TNNI1: variants seen among roughly 807,000 people sequenced by gnomAD.
TNNI1 encodes the protein troponin I1, slow skeletal type.
Under a neutral mutation model 26.7 loss-of-function variants are expected in TNNI1, and 14 were observed. The observed-to-expected ratio is 0.52, with a 90% CI of 0.35 to 0.82. The LOEUF is 0.82. Ranked by LOEUF, TNNI1 falls within the 40% of genes least tolerant of loss-of-function variation. The pLI, the probability that TNNI1 is intolerant of heterozygous loss-of-function variation, is 0.01. For synonymous variants in TNNI1, 79 were observed against 98.2 expected, an observed-to-expected ratio of 0.80 and a Z score of 1.16; for missense variants, 164 against 257.0, an observed-to-expected ratio of 0.64 and a Z score of 2.47.
At chr1:201,417,662 G>A (rs1422237414) in intron 2 of TNNI1, 121 bp downstream of exon 2, 1 of 801,052 alleles carries the variant, frequency 1.2e-6, no homozygotes, top group Non-Finnish European at 1.7e-6. Context: ...CCTGTTTGAG[G>A]ACCTGGTCTC....
chr1:201,417,615 G>A (rs1226288788), intron 2 of TNNI1, 168 bp downstream of exon 2: 2 of 517,914 alleles, frequency 3.9e-6, no homozygotes, highest in Middle Eastern at 5.3e-4. Context: ...TGGCTGGGAG[G>A]ACACAGGCAG....
At chr1:201,412,882 T>C (rs540692921) in intron 6 of TNNI1, 150 bp downstream of exon 6, 1 of 729,810 alleles carries the variant, frequency 1.4e-6, no homozygotes, top group Non-Finnish European at 2.4e-6. Context: ...TCCAGCCCTA[T>C]GGGGCTAGGG....
In TNNI1 at chr1:201,412,922, G is replaced by T. The variant is rs1376561243; in HGVS notation, c.279+110C>A. The T allele has an allele frequency of 1.5e-5, 16 of 1,070,744 alleles. No homozygotes were observed. In the Admixed American group the frequency reaches 2.5e-4, roughly 16 times the overall value. The allele number at this position is 1,070,744 out of a possible 1,614,324, so 66.3% of individuals were successfully genotyped here. On this transcript the variant is annotated intron_variant, in intron 6 of 8. Coordinates refer to ENST00000361379, the MANE Select transcript of TNNI1 (RefSeq NM_003281.4). ...CAAACCAAAGTTTCCTGCTTAAGTG[G>T]CCCCTTCCTAGGCCCTGTGGAAGGA... is the stretch of plus-strand genomic sequence containing the variant.
intron 3 of TNNI1, 102 bp from the exon 4 acceptor site, chr1:201,415,356 A>G (rs893904752): frequency 4.0e-6 from 5 of 1,234,938 alleles, no homozygotes; most frequent in Non-Finnish European, 4.7e-6. Flanking sequence ...CTCTATCTTT[A>G]TCCGGAATCC....
intron 1 of TNNI1, 101 bp from the exon 2 acceptor site, chr1:201,417,913 A>G (rs1662780868): frequency 1.1e-6 from 1 of 879,838 alleles, no homozygotes; most frequent in African/African-American, 1.7e-5. Flanking sequence ...GTCAGAACAC[A>G]AAAGGAAGAA....
At chr1:201,417,316 A>C (rs80301882) in intron 2 of TNNI1, among the ~76,000 whole-genome samples, 197 bp from the exon 3 acceptor site, 2,278 of 152,216 alleles carry the variant, frequency 0.015, 54 homozygotes, top group African/African-American at 0.052. Flanking sequence ...ATAAAATAAA[A>C]ATTCAACAGC....
intron 5 of TNNI1, among the ~76,000 whole-genome samples, chr1:201,414,296 C>T (rs768663377): frequency 1.3e-5 from 2 of 152,238 alleles, no homozygotes; most frequent in African/African-American, 2.4e-5. Flanking sequence ...AGGCAAGTCA[C>T]GCCTCCCCTC....
rs1412179104 is a variant in TNNI1 at position 201,403,888 on chromosome 1, G to A, written c.*5365C>T. 1 of 152,198 alleles carries A rather than the reference G, an allele frequency of 6.6e-6. No individual in the cohort carries two copies. The highest frequency in any genetic ancestry group is 1.5e-5 in the Non-Finnish European group (1 of 68,032). 9.4% of individuals were successfully genotyped at this position (152,198 alleles called of 1,614,324 possible). ...AATTGAGGATTGTATTTACCTTTGT[G>A]GAGAGGAAGGGGTTGTGATTGGGGA... On this transcript the variant is annotated 3_prime_UTR_variant, in exon 9 of 9. Transcript: ENST00000361379.
chr1:201,419,438 C>T (rs1662818287), intron 1 of TNNI1, among the ~76,000 whole-genome samples: 1 of 152,120 alleles, frequency 6.6e-6, no homozygotes, highest in African/African-American at 2.4e-5. Context: ...TGCAGGGGCG[C>T]ACAGGAGCCC....
intron 1 of TNNI1, among the ~76,000 whole-genome samples, chr1:201,418,174 T>C (rs1662789085): frequency 6.6e-6 from 1 of 151,680 alleles, no homozygotes; most frequent in Non-Finnish European, 1.5e-5. Context: ...GGAAATATGT[T>C]TGGAAAGTGA....
At chr1:201,418,954 C>T (rs1662803912) in intron 1 of TNNI1, among the ~76,000 whole-genome samples, 1 of 152,054 alleles carries the variant, frequency 6.6e-6, no homozygotes, top group Non-Finnish European at 1.5e-5. Context: ...AGCAAAATGG[C>T]ATTTTGCCTA....
At chr1:201,413,906 C>T (rs1662685515) in intron 5 of TNNI1, among the ~76,000 whole-genome samples, 2 of 152,158 alleles carry the variant, frequency 1.3e-5, no homozygotes, top group Admixed American at 1.3e-4. Context: ...AATCCTCCTG[C>T]CTCCGCCTTT....
At position 201,406,510 on chromosome 1, in the gene TNNI1, G is replaced by C. The variant is rs1000088279; in HGVS notation, c.*2743C>G. On this transcript the variant is annotated 3_prime_UTR_variant, in exon 9 of 9. Coordinates refer to ENST00000361379, the MANE Select transcript of TNNI1 (RefSeq NM_003281.4). The stretch of plus-strand genomic sequence containing the variant: ...AATAGTAGCTGTACCTTTCTCCTAG[G>C]GTTGTTGTGAAAGTTAAATAAATTA... The C allele has an allele frequency of 1.3e-5, 2 of 152,156 alleles. No homozygotes were observed. The highest frequency in any genetic ancestry group is 2.9e-5 in the Non-Finnish European group (2 of 68,026). 9.4% of individuals were successfully genotyped at this position (152,156 alleles called of 1,614,324 possible).
rs1662471590 is a variant in TNNI1 at position 201,404,128 on chromosome 1, G to T, written c.*5125C>A. ...GAATTTCAAGATTTTTCAGCCAGTG[G>T]TTGGGCAAGGGGTCATCTCTCTCGT... On this transcript the variant is annotated 3_prime_UTR_variant, in exon 9 of 9. Coordinates refer to ENST00000361379, the MANE Select transcript of TNNI1 (RefSeq NM_003281.4). 1 of 152,198 alleles carries T rather than the reference G, an allele frequency of 6.6e-6. No homozygotes were observed. Among genetic ancestry groups the T allele is most frequent in the Non-Finnish European group, 1.5e-5 (1 of 68,044 alleles). The allele number at this position is 152,198 out of a possible 1,614,324, so 9.4% of individuals were successfully genotyped here. A position where few individuals can be genotyped will look rare whatever the true frequency, so the allele number is the denominator to read the frequency against.
chr1:201,421,140 G>A (rs937232553), intron 1 of TNNI1, among the ~76,000 whole-genome samples: 4 of 152,184 alleles, frequency 2.6e-5, no homozygotes, highest in African/African-American at 7.2e-5. Context: ...AGCTAACAGC[G>A]TCGCTCAGAG....
At chr1:201,418,591 G>A (rs1201916064) in intron 1 of TNNI1, among the ~76,000 whole-genome samples, 1 of 152,156 alleles carries the variant, frequency 6.6e-6, no homozygotes, top group Non-Finnish European at 1.5e-5. Flanking sequence ...AGAGAGGAAG[G>A]CCTAGAAAGT....
Position 201,417,799 on chromosome 1 carries a change from C to T in TNNI1, c.-6G>A. 1 of 1,313,356 alleles carries T rather than the reference C, an allele frequency of 7.6e-7. No homozygotes were observed. The highest frequency in any genetic ancestry group is 9.8e-7 in the Non-Finnish European group (1 of 1,021,986). The allele number at this position is 1,313,356 out of a possible 1,614,324, so 81.4% of individuals were successfully genotyped here. A position where few individuals can be genotyped will look rare whatever the true frequency, so the allele number is the denominator to read the frequency against. On this transcript the variant is annotated 5_prime_UTR_variant, in exon 2 of 9. Coordinates refer to ENST00000361379, the MANE Select transcript of TNNI1 (RefSeq NM_003281.4). ...ACTACTTACACTTCCGGCATGGTGG[C>T]AGTGAGACAGCACCTAGGGGGCACA...
intron 1 of TNNI1, among the ~76,000 whole-genome samples, chr1:201,418,786 T>G (rs16848560): frequency 6.6e-6 from 1 of 152,186 alleles, no homozygotes; most frequent in Non-Finnish European, 1.5e-5. Context: ...CTGGGTTGGT[T>G]TTCCTCTCTG....
At chr1:201,418,297 C>T (rs945903670) in intron 1 of TNNI1, among the ~76,000 whole-genome samples, 6 of 151,738 alleles carry the variant, frequency 4.0e-5, no homozygotes, top group Admixed American at 2.0e-4. Flanking sequence ...GGTCAAACCC[C>T]GTCTCTACTA....
Sources: gnomAD v4.1 joint callset for allele counts (sites outside exome capture counted in the v4.1 genomes callset) on GRCh38, gnomAD v4.1.1 for gene constraint, MANE v1.5 for transcripts, NCBI Gene and HGNC (gene_info 2026-07-23, HGNC 2026-07-21) for gene names.